The following LCMT1 variants were observed in gnomAD, a reference collection of about 807,000 sequenced individuals.
LCMT1 encodes the protein [Phosphatase 2A protein]-leucine-carboxy methyltransferase 1.
Under a neutral mutation model 47.7 loss-of-function variants are expected in LCMT1, and 32 were observed. That is an observed-to-expected ratio of 0.67 (90% CI 0.51 to 0.90). The LOEUF (loss-of-function observed/expected upper bound fraction) is 0.90. LCMT1 is among the 40% of genes least tolerant of loss of function. The probability of loss-of-function intolerance (pLI) is 0.00; values close to 1 mark genes in which losing one functional copy is unlikely to be tolerated. For synonymous variants in LCMT1, 152 were observed against 149.7 expected, an observed-to-expected ratio of 1.02 and a Z score of -0.11; for missense variants, 375 against 415.2, an observed-to-expected ratio of 0.90 and a Z score of 0.84.
Position 25,176,550 on chromosome 16 carries a change from C to CTTTT in LCMT1, c.983-1424_983-1421dup, listed in dbSNP as rs1170373745. ...GGTTTTGGTTTTTGTTTTTTTTTGG[C>CTTTT]TTTTTTTTTTTTTTTTTTTTTTTTT... On this transcript the variant is annotated intron_variant, in intron 10 of 10. Coordinates refer to ENST00000399069, the MANE Select transcript of LCMT1 (RefSeq NM_016309.3). 6.6e-4 allele frequency among the ~76,000 whole-genome samples: 29 copies of CTTTT among 44,268 alleles called. 4 individuals carry two copies. The highest frequency in any genetic ancestry group is 1.7e-3 in the South Asian group (1 of 592). 29.0% of individuals were successfully genotyped at this position (44,268 alleles called of 152,430 possible). A position where few individuals can be genotyped will look rare whatever the true frequency, so the allele number is the denominator to read the frequency against.
In LCMT1 at chr16:25,128,480, C is replaced by T. The variant is rs1273916467; in HGVS notation, c.119C>T (p.Ala40Val). The stretch of plus-strand genomic sequence containing the variant: ...TCCTTTTTTCTCCCTTCCAGGTTTG[C>T]AGTAAGCATTGGCTACTGGCATGAC... Reference protein sequence around the residue: ...CEDASLCKRFAVSIGYWHDPY... With the variant: ...CEDASLCKRFVVSIGYWHDPY... Residue 40 changes from alanine (A) to valine (V), a missense_variant, in exon 2 of 11, where the codon GCA becomes GTA. Transcript: ENST00000399069. The T allele has an allele frequency of 6.2e-7, 1 of 1,607,224 alleles. No individual in the cohort carries two copies. Among genetic ancestry groups the T allele is most frequent in the Non-Finnish European group, 8.5e-7 (1 of 1,176,418 alleles).
intron 7 of LCMT1, among the ~76,000 whole-genome samples, chr16:25,165,517 C>CT (rs202030233): frequency 5.8e-4 from 84 of 145,308 alleles, no homozygotes; most frequent in African/African-American, 1.2e-3. Context: ...CTTTTCTTTT[C>CT]TTTTTTTTTT....
chr16:25,113,470 T>C (rs963890077), intron 1 of LCMT1, among the ~76,000 whole-genome samples: 3 of 152,180 alleles, frequency 2.0e-5, no homozygotes, highest in Non-Finnish European at 2.9e-5. Flanking sequence ...ATCTGTAAAA[T>C]GGGGAGTATA....
intron 2 of LCMT1, 66 bp from the exon 3 acceptor site, chr16:25,132,336 C>T: frequency 2.5e-6 from 4 of 1,590,932 alleles, no homozygotes; most frequent in Non-Finnish European, 3.4e-6. Flanking sequence ...CTGGGGTGGG[C>T]TTCACAGGGA....
At chr16:25,147,569 T>C (rs1300231516) in intron 4 of LCMT1, 3 of 152,144 alleles carry the variant, frequency 2.0e-5, no homozygotes, top group African/African-American at 7.2e-5. Flanking sequence ...ACAGAATAGG[T>C]CGGGCGGTAA....
intron 1 of LCMT1, among the ~76,000 whole-genome samples, chr16:25,128,208 T>G (rs1371899630): frequency 6.6e-6 from 1 of 152,166 alleles, no homozygotes; most frequent in Non-Finnish European, 1.5e-5. Context: ...CTATGTAGGG[T>G]CCTGGGAAGT....
chr16:25,175,345 TG>T (rs1451494381), intron 10 of LCMT1, among the ~76,000 whole-genome samples: 1 of 151,810 alleles, frequency 6.6e-6, no homozygotes, highest in African/African-American at 2.4e-5. Context: ...TCAAGTAGGC[TG>T]GGCGCGGGGT....
rs574613627 is a variant in LCMT1, at chr16:25,167,440, C to A, written c.691-1672C>A. On this transcript the variant is annotated intron_variant, in intron 7 of 10. Coordinates refer to ENST00000399069, the MANE Select transcript of LCMT1 (RefSeq NM_016309.3). The stretch of plus-strand genomic sequence containing the variant: ...TCAAGTGATCCTCCCACCTTAGTCT[C>A]CCATTAGTTAGGACTGTAGGTGCAC... Among the ~76,000 whole-genome samples, 168 of 151,996 alleles carry A rather than the reference C, an allele frequency of 1.1e-3. 1 individual carries two copies. Among genetic ancestry groups the A allele is most frequent in the Non-Finnish European group, 1.2e-3 (79 of 67,974 alleles).
In LCMT1 at chr16:25,155,088, A is replaced by G. The variant is rs73565013; in HGVS notation, c.466+3473A>G. ...GAATCACCATTATTTCTTTATCAGT[A>G]AGAAAGAAAAAGTGCCGACACTTAA... On this transcript the variant is annotated intron_variant, in intron 5 of 10. Coordinates refer to ENST00000399069, the MANE Select transcript of LCMT1 (RefSeq NM_016309.3). Among the ~76,000 whole-genome samples the G allele has an allele frequency of 8.8e-3, 1,333 of 152,316 alleles. 19 individuals are homozygous for G. The highest frequency in any genetic ancestry group is 0.031 in the African/African-American group (1,270 of 41,556).
At chr16:25,162,884 G>GTTTA (rs1047630332) in intron 6 of LCMT1, among the ~76,000 whole-genome samples, 3 of 151,794 alleles carry the variant, frequency 2.0e-5, no homozygotes, top group African/African-American at 7.3e-5. Context: ...GGAACTTTTT[G>GTTTA]TTTGGAGACA....
At position 25,161,129 on chromosome 16, in the gene LCMT1, A is replaced by G; in HGVS notation, c.494A>G (p.Tyr165Cys). Reference sequence around the variant, plus strand: ...GGACACATACTGGATTCAAAGAGATATGCCGTTATTGGAGCAGATCTCCGA... The same window carrying G: ...GGACACATACTGGATTCAAAGAGATGTGCCGTTATTGGAGCAGATCTCCGA... ...MDGHILDSKR[Y>C]AVIGADLRDL... Residue 165 changes from tyrosine to cysteine, a missense_variant, in exon 6 of 11, where the codon TAT (tyrosine) becomes TGT (cysteine). By Grantham distance (194) the Tyr-to-Cys change is radical. Coordinates refer to ENST00000399069, the MANE Select transcript of LCMT1 (RefSeq NM_016309.3). The G allele has an allele frequency of 1.9e-6, 3 of 1,610,108 alleles. No homozygotes were observed. Among genetic ancestry groups the G allele is most frequent in the South Asian group, 2.2e-5 (2 of 90,236 alleles).
intron 4 of LCMT1, chr16:25,148,692 A>G (rs533564976): frequency 6.6e-6 from 1 of 152,374 alleles, no homozygotes; most frequent in African/African-American, 2.4e-5. Flanking sequence ...TGCAGAGACC[A>G]GAGGAAAACT....
At chr16:25,140,344 G>A (rs1254909531) in intron 4 of LCMT1, 97 bp downstream of exon 4, 5 of 962,374 alleles carry the variant, frequency 5.2e-6, no homozygotes, top group Non-Finnish European at 8.0e-6. Context: ...TCACTTTAGG[G>A]TGTTGCCTTC....
intron 5 of LCMT1, 118 bp from the exon 6 acceptor site, chr16:25,160,984 G>GT (rs1961413907): frequency 4.1e-6 from 2 of 485,442 alleles, no homozygotes; most frequent in Non-Finnish European, 6.8e-6. Flanking sequence ...CTCCTCTTAC[G>GT]TATTTTTTTT....
intron 8 of LCMT1, 176 bp downstream of exon 8, chr16:25,169,389 T>G (rs1014134380): frequency 3.7e-6 from 2 of 547,370 alleles, no homozygotes; most frequent in African/African-American, 1.9e-5. Flanking sequence ...CAAGTCCTGC[T>G]TCACCATCAC....
At chr16:25,152,793 G>C (rs770392719) in intron 5 of LCMT1, among the ~76,000 whole-genome samples, 65 of 152,048 alleles carry the variant, frequency 4.3e-4, no homozygotes, top group Non-Finnish European at 1.2e-4. Flanking sequence ...TCTGCTACCT[G>C]TTTGGCCCTG....
chr16:25,176,502 A>G (rs1961942857), intron 10 of LCMT1, among the ~76,000 whole-genome samples: 1 of 137,504 alleles, frequency 7.3e-6, no homozygotes, highest in Admixed American at 7.3e-5. Context: ...AGCCCACACA[A>G]TCCTTTCACA....
chr16:25,152,448 C>T (rs1293971718), intron 5 of LCMT1, among the ~76,000 whole-genome samples: 2 of 152,048 alleles, frequency 1.3e-5, no homozygotes, highest in Admixed American at 6.6e-5. Flanking sequence ...AGACTTTTGC[C>T]GATACATTTA....
At chr16:25,177,815 C>T (rs906875348) in intron 10 of LCMT1, among the ~76,000 whole-genome samples, 186 bp from the exon 11 acceptor site, 4 of 152,110 alleles carry the variant, frequency 2.6e-5, no homozygotes, top group Non-Finnish European at 5.9e-5. Flanking sequence ...TTAAAACCAC[C>T]CATAAACACA....
Sources: gnomAD v4.1 joint callset for allele counts (sites outside exome capture counted in the v4.1 genomes callset) on GRCh38, gnomAD v4.1.1 for gene constraint, MANE v1.5 for transcripts, NCBI Gene and HGNC (gene_info 2026-07-23, HGNC 2026-07-21) for gene names.